The following RAPGEF6 variants were observed in gnomAD, a reference collection of about 807,000 sequenced individuals.
The protein encoded by RAPGEF6 is Rap guanine nucleotide exchange factor 6, also known as PDZ domain containing guanine nucleotide exchange factor (GEF) 2.
In RAPGEF6, 56 loss-of-function variants were observed where a neutral mutation model predicts 171.4. That is an observed-to-expected ratio of 0.33 (90% confidence interval 0.26 to 0.41). RAPGEF6 has a LOEUF of 0.41. RAPGEF6 is among the 10% of genes least tolerant of loss of function. RAPGEF6 has a pLI of 1.00. For missense variants in RAPGEF6, 1,674 were observed against 1,921.4 expected (o/e 0.87, Z 2.41); for synonymous variants, 692 against 650.1 (o/e 1.06, Z -0.98).
At chr5:131,472,562 A>G (rs754676447) in intron 17 of RAPGEF6, 25 bp downstream of exon 17, 193 of 1,604,214 alleles carry the variant, frequency 1.2e-4, no homozygotes, top group Non-Finnish European at 1.6e-4. Flanking sequence ...CAATACGGCA[A>G]TATAAAATCA....
chr5:131,465,121 AAC>A (rs1213759088), intron 17 of RAPGEF6, among the ~76,000 whole-genome samples: 2 of 152,114 alleles, frequency 1.3e-5, no homozygotes, highest in Non-Finnish European at 2.9e-5. Context: ...AGTAGATAAC[AAC>A]ACTTAGTCCA....
Position 131,484,171 on chromosome 5 carries a change from T to C in RAPGEF6, c.1841-4418A>G, listed in dbSNP as rs145978979. On this transcript the variant is annotated intron_variant, in intron 15 of 27. Transcript: ENST00000509018. ...AAAAGGTGCTCAACCTTACTTGTTA[T>C]TAAATAATGTATATCAAAATTTAAA... Among the ~76,000 whole-genome samples, 1,144 of 150,684 alleles carry C rather than the reference T, an allele frequency of 7.6e-3. 2 individuals carry two copies. Among genetic ancestry groups the C allele is most frequent in the Non-Finnish European group, 0.012 (798 of 67,704 alleles).
chr5:131,496,122 C>T (rs920218451), intron 12 of RAPGEF6, among the ~76,000 whole-genome samples: 1 of 152,068 alleles, frequency 6.6e-6, no homozygotes, highest in Non-Finnish European at 1.5e-5. Flanking sequence ...AAGGAGGATC[C>T]CTTGAGTCCA....
intron 8 of RAPGEF6, among the ~76,000 whole-genome samples, chr5:131,509,542 C>CAAAAAAAAAAAAAAA (rs59175698): frequency 2.9e-5 from 4 of 136,964 alleles, no homozygotes; most frequent in African/African-American, 1.0e-4. Context: ...GACACCGTCT[C>CAAAAAAAAAAAAAAA]AAAAAAAAAA....
Position 131,597,614 on chromosome 5 carries a change from C to T in RAPGEF6, c.198-5148G>A, listed in dbSNP as rs186343034. ...TAAGACAGACATAGAGAGGCAAATA[C>T]TGCAGAATATCACTTATACGTGGAA... On this transcript the variant is annotated intron_variant, in intron 3 of 27. Coordinates refer to ENST00000509018, the MANE Select transcript of RAPGEF6 (RefSeq NM_016340.6). 1.7e-4 allele frequency among the ~76,000 whole-genome samples: 26 copies of T among 152,188 alleles called. No homozygotes were observed. In the East Asian group the frequency reaches 2.5e-3, roughly 15 times the overall value.
chr5:131,469,851 G>T (rs1754624546), intron 17 of RAPGEF6: 1 of 1,507,128 alleles, frequency 6.6e-7, no homozygotes, highest in Non-Finnish European at 8.9e-7. Flanking sequence ...ATCAAAGTAA[G>T]CAATCAAAAA....
chr5:131,577,194 C>T (rs978361879), intron 4 of RAPGEF6, among the ~76,000 whole-genome samples: 12 of 152,168 alleles, frequency 7.9e-5, no homozygotes, highest in Non-Finnish European at 1.5e-4. Context: ...GATAACGGAC[C>T]GGCCTTCATT....
At chr5:131,483,394 T>G (rs950501228) in intron 15 of RAPGEF6, among the ~76,000 whole-genome samples, 4 of 150,470 alleles carry the variant, frequency 2.7e-5, no homozygotes, top group Non-Finnish European at 4.4e-5. Context: ...GACATGAGTA[T>G]GTAATTATAA....
intron 5 of RAPGEF6, among the ~76,000 whole-genome samples, chr5:131,549,694 G>A (rs1303358648): frequency 1.3e-5 from 2 of 151,666 alleles, no homozygotes; most frequent in African/African-American, 4.8e-5. Context: ...AAAAAAAAAA[G>A]TTATGTGAAT....
At chr5:131,536,184 A>T (rs1316803352) in intron 6 of RAPGEF6, among the ~76,000 whole-genome samples, 1 of 152,184 alleles carries the variant, frequency 6.6e-6, no homozygotes, top group Non-Finnish European at 1.5e-5. Flanking sequence ...CTTAAATTGT[A>T]CTGATTTACA....
chr5:131,505,303 A>C (rs1406656193), intron 10 of RAPGEF6, 61 bp downstream of exon 10: 2 of 1,546,342 alleles, frequency 1.3e-6, no homozygotes, highest in African/African-American at 2.7e-5. Flanking sequence ...GAGGAAGACA[A>C]AACAGGCTCA....
chr5:131,447,274 G>A (rs1397483549), intron 21 of RAPGEF6: 1 of 153,234 alleles, frequency 6.5e-6, no homozygotes, highest in Non-Finnish European at 1.5e-5. Flanking sequence ...AAAATTTACA[G>A]CATTTATATG....
chr5:131,433,479 T>C lies in RAPGEF6; in HGVS notation c.3925A>G (p.Lys1309Glu). 4 of 1,613,972 alleles carry C rather than the reference T, an allele frequency of 2.5e-6. No individual in the cohort carries two copies. The highest frequency in any genetic ancestry group is 3.4e-6 in the Non-Finnish European group (4 of 1,179,868). ...AVPESTGALE[K>E]TEHASGIGDH... ...CCTATCCCTGAAGCGTGCTCTGTCT[T>C]TTCCAATGCCCCAGTGGATTCAGGG... is the stretch of plus-strand genomic sequence containing the variant. The change falls in exon 25 of 28, where the codon AAG becomes GAG. Residue 1309 changes from lysine to glutamate, a missense_variant. Physicochemically the swap from Lys to Glu is moderately conservative, Grantham distance 56. Around this residue, in one of 3 missense-constraint regions of RAPGEF6, gnomAD observed 552 missense variants for 574.2 expected, o/e 0.96. Coordinates refer to ENST00000509018, the MANE Select transcript of RAPGEF6 (RefSeq NM_016340.6).
intron 6 of RAPGEF6, among the ~76,000 whole-genome samples, chr5:131,536,483 G>A (rs908332742): frequency 1.3e-5 from 2 of 152,102 alleles, no homozygotes; most frequent in Non-Finnish European, 2.9e-5. Context: ...AAGAAACAGT[G>A]TGCTTCAGCA....
At position 131,606,737 on chromosome 5, in the gene RAPGEF6, A is replaced by T. The variant is rs557074092; in HGVS notation, c.70-2044T>A. On this transcript the variant is annotated intron_variant, in intron 1 of 27. Coordinates refer to ENST00000509018, the MANE Select transcript of RAPGEF6 (RefSeq NM_016340.6). ...TGTTCTGACCAAAAGAATACGATAG[A>T]AGTGAGGTTGTATAAAAGATTCAAG... Among the ~76,000 whole-genome samples the T allele has an allele frequency of 1.2e-4, 18 of 152,300 alleles. No homozygotes were observed. The South Asian group carries it at 3.7e-3, about 32-fold the overall frequency.
At position 131,521,443 on chromosome 5, in the gene RAPGEF6, C is replaced by T; in HGVS notation, c.574G>A (p.Gly192Ser). Residue 192 changes from glycine to serine, a missense_variant, in exon 7 of 28, where the codon GGT becomes AGT. Around this residue, in one of 3 missense-constraint regions of RAPGEF6, gnomAD observed 1,116 missense variants for 1,321.5 expected, o/e 0.84. Transcript: ENST00000509018. ...CCAGAGTCACTGGCAATGCTACAAC[C>T]AGACTGACTAGAAGACACATGAGTC... ...QVTHVSSSQSGCSIASDSGSS... is the reference protein window; with the variant it reads ...QVTHVSSSQSSCSIASDSGSS... 2 of 1,612,388 alleles carry T rather than the reference C, an allele frequency of 1.2e-6. No individual in the cohort carries two copies. Among genetic ancestry groups the T allele is most frequent in the African/African-American group, 1.3e-5 (1 of 74,890 alleles).
At chr5:131,532,261 T>G in intron 6 of RAPGEF6, 1 of 293,862 alleles carries the variant, frequency 3.4e-6, no homozygotes, top group East Asian at 1.0e-4. Flanking sequence ...ACCACTGCAG[T>G]GTTTATATAA....
intron 24 of RAPGEF6, among the ~76,000 whole-genome samples, chr5:131,438,228 G>A (rs1250322909): frequency 6.6e-6 from 1 of 152,170 alleles, no homozygotes; most frequent in Non-Finnish European, 1.5e-5. Flanking sequence ...GACCTCAGGC[G>A]ATCCGCCTGC....
chr5:131,575,918 C>T (rs1403586727), intron 4 of RAPGEF6, among the ~76,000 whole-genome samples: 1 of 152,142 alleles, frequency 6.6e-6, no homozygotes, highest in East Asian at 1.9e-4. Context: ...CTTCTAGAGG[C>T]CCTCAAGATC....
Sources: allele counts gnomAD v4.1 joint callset (sites outside exome capture counted in the v4.1 genomes callset), GRCh38; gene constraint gnomAD v4.1.1; regional missense constraint gnomAD v4.1.1; transcripts MANE v1.5; gene names NCBI Gene and HGNC (gene_info 2026-07-23, HGNC 2026-07-21).